The following ZDHHC17 variants were observed in gnomAD, a reference collection of about 807,000 sequenced individuals.
ZDHHC17 encodes the protein zDHHC palmitoyltransferase 17.
Under a neutral mutation model 90.3 loss-of-function variants are expected in ZDHHC17, and 40 were observed. The observed-to-expected ratio is 0.44, with a 90% CI of 0.34 to 0.58. The LOEUF is 0.58. Ranked by LOEUF, ZDHHC17 falls within the 20% of genes least tolerant of loss-of-function variation. The pLI is 0.01. For synonymous variants in ZDHHC17, 235 were observed against 252.4 expected (o/e 0.93, Z 0.65); for missense variants, 614 against 780.8 (o/e 0.79, Z 2.55).
intron 1 of ZDHHC17, among the ~76,000 whole-genome samples, chr12:76,777,964 A>G (rs1461899591): frequency 1.3e-5 from 2 of 152,080 alleles, no homozygotes; most frequent in African/African-American, 2.4e-5. Context: ...AGTGAGAGGG[A>G]AAAGGGGATA....
chr12:76,793,338 G>A (rs1236963906), intron 1 of ZDHHC17, among the ~76,000 whole-genome samples: 2 of 152,284 alleles, frequency 1.3e-5, no homozygotes, highest in Middle Eastern at 3.4e-3. Context: ...TGGCCAACAT[G>A]GTGAAACCCT....
At chr12:76,810,450 GTTATAT>G (rs1461956773) in intron 5 of ZDHHC17, among the ~76,000 whole-genome samples, 1 of 151,936 alleles carries the variant, frequency 6.6e-6, no homozygotes, top group Admixed American at 6.6e-5. Flanking sequence ...GTTTTTTCTG[GTTATAT>G]TTGAACATTA....
intron 1 of ZDHHC17, among the ~76,000 whole-genome samples, chr12:76,783,759 T>C (rs1158611355): frequency 2.6e-5 from 4 of 152,256 alleles, no homozygotes; most frequent in Non-Finnish European, 5.9e-5. Flanking sequence ...TAATTAAGTA[T>C]CTTGAGATGG....
At position 76,815,139 on chromosome 12, in the gene ZDHHC17, T is replaced by TTA; in HGVS notation, c.544-5_544-4dup. On this transcript the variant is annotated splice_polypyrimidine_tract_variant and splice_region_variant and intron_variant, in intron 5 of 16. Coordinates refer to ENST00000426126, the MANE Select transcript of ZDHHC17 (RefSeq NM_015336.4). Reference sequence around the variant, plus strand: ...CTGTCTGACTTTTTTTCTTTTTACTTTATCAGGATGTAGATATGATGGATC... The same window carrying TTA: ...CTGTCTGACTTTTTTTCTTTTTACTTTATATCAGGATGTAGATATGATGGATC... 2 of 1,541,102 alleles carry TTA rather than the reference T, an allele frequency of 1.3e-6. No homozygotes were observed. Among genetic ancestry groups the TTA allele is most frequent in the Non-Finnish European group, 1.8e-6 (2 of 1,141,098 alleles).
chr12:76,807,457 A>T (rs1193541051), intron 3 of ZDHHC17, among the ~76,000 whole-genome samples: 2 of 152,184 alleles, frequency 1.3e-5, no homozygotes, highest in African/African-American at 2.4e-5. Context: ...ACATTGTTTG[A>T]TAAAACCTTC....
Position 76,828,336 on chromosome 12 carries a change from T to G in ZDHHC17, c.1041-54T>G, listed in dbSNP as rs1953255112. On this transcript the variant is annotated intron_variant, in intron 9 of 16. Coordinates refer to ENST00000426126, the MANE Select transcript of ZDHHC17 (RefSeq NM_015336.4). ...GTGTCATTTTCATTTAAATAAATAC[T>G]CATTTTTACAATGAAATATAGAGCT... 2.2e-6 allele frequency: 3 copies of G among 1,389,974 alleles called. No homozygotes were observed. In the Admixed American group the frequency reaches 6.8e-5, roughly 32 times the overall value. The allele number at this position is 1,389,974 out of a possible 1,614,324, so 86.1% of individuals were successfully genotyped here. A position where few individuals can be genotyped will look rare whatever the true frequency, so the allele number is the denominator to read the frequency against.
chr12:76,764,272 G>A lies in ZDHHC17; in HGVS notation c.36G>A (p.Ala12=). The A allele has an allele frequency of 1.9e-6, 3 of 1,606,870 alleles. No individual in the cohort carries two copies. Among genetic ancestry groups the A allele is most frequent in the Non-Finnish European group, 1.7e-6 (2 of 1,176,820 alleles). The change falls in exon 1 of 17, where the codon GCG becomes GCA. Residue 12 remains alanine, a synonymous_variant. Coordinates refer to ENST00000426126, the MANE Select transcript of ZDHHC17 (RefSeq NM_015336.4). ...AGGAGGGATTTAACACCAAGATGGC[G>A]GACGGCCCGGATGAGTACGATACCG... ...QREEGFNTKM[A]DGPDEYDTEA...
At chr12:76,809,574 T>C in intron 4 of ZDHHC17, 139 bp from the exon 5 acceptor site, 1 of 630,136 alleles carries the variant, frequency 1.6e-6, no homozygotes, top group East Asian at 3.4e-5. Flanking sequence ...AAATGTATTT[T>C]GACATGTATC....
In ZDHHC17 at chr12:76,825,380, G is replaced by C. The variant is rs530047966; in HGVS notation, c.898-1528G>C. ...ATTCTTTCACATTTACTATATAGTT[G>C]AAAATTTTCCTAATATAAGAGAAAA... On this transcript the variant is annotated intron_variant, in intron 8 of 16. Transcript: ENST00000426126. Among the ~76,000 whole-genome samples, 6 of 152,168 alleles carry C rather than the reference G, an allele frequency of 3.9e-5. No homozygotes were observed. The East Asian group carries it at 1.2e-3, about 29-fold the overall frequency.
chr12:76,772,173 G>A (rs1288591458), intron 1 of ZDHHC17, among the ~76,000 whole-genome samples: 1 of 152,196 alleles, frequency 6.6e-6, no homozygotes, highest in African/African-American at 2.4e-5. Flanking sequence ...TAGTAATCCA[G>A]GTTGCCTGTT....
intron 14 of ZDHHC17, 53 bp from the exon 15 acceptor site, chr12:76,848,180 G>A: frequency 6.3e-7 from 1 of 1,593,052 alleles, no homozygotes; most frequent in Non-Finnish European, 8.6e-7. Context: ...ATGCCTATAT[G>A]AGGTGCTTGG....
Position 76,812,179 on chromosome 12 carries a change from C to T in ZDHHC17, c.543+2322C>T, listed in dbSNP as rs148183703. 9.8e-3 allele frequency among the ~76,000 whole-genome samples: 1,495 copies of T among 152,264 alleles called. 16 individuals carry two copies. Among genetic ancestry groups the T allele is most frequent in the African/African-American group, 0.033 (1,391 of 41,550 alleles). ...ACACTAATATATTGTAAAAGACACT[C>T]TTCCAATGTGCATTGCATCATACTG... On this transcript the variant is annotated intron_variant, in intron 5 of 16. Transcript: ENST00000426126.
At position 76,851,396 on chromosome 12, in the gene ZDHHC17, T is replaced by C. The variant is rs1953566074; in HGVS notation, c.*411T>C. 5.5e-6 allele frequency: 1 copy of C among 180,482 alleles called. No individual in the cohort carries two copies. Among genetic ancestry groups the C allele is most frequent in the Non-Finnish European group, 1.1e-5 (1 of 87,166 alleles). The allele number at this position is 180,482 out of a possible 1,614,324, so 11.2% of individuals were successfully genotyped here. ...ATGTTATGATGCAGTCTAGTACGAG[T>C]ATTGCATCTAATTCCAGGAGCATTG... On this transcript the variant is annotated 3_prime_UTR_variant, in exon 17 of 17. Coordinates refer to ENST00000426126, the MANE Select transcript of ZDHHC17 (RefSeq NM_015336.4).
At chr12:76,800,941 G>A (rs1003807497) in intron 2 of ZDHHC17, among the ~76,000 whole-genome samples, 1 of 142,648 alleles carries the variant, frequency 7.0e-6, no homozygotes, top group Non-Finnish European at 1.5e-5. Context: ...AGGCTGGAGT[G>A]CCATGGCGCA....
intron 5 of ZDHHC17, among the ~76,000 whole-genome samples, chr12:76,811,764 T>A (rs553485664): frequency 2.0e-5 from 3 of 152,098 alleles, no homozygotes; most frequent in Non-Finnish European, 4.4e-5. Context: ...CCTTTAATAA[T>A]GTAGTATGTA....
At chr12:76,835,109 G>T (rs1953348362) in intron 10 of ZDHHC17, among the ~76,000 whole-genome samples, 1 of 147,872 alleles carries the variant, frequency 6.8e-6, no homozygotes, top group African/African-American at 2.5e-5. Context: ...GGAGTGCATT[G>T]GCGCAATCTC....
chr12:76,834,918 T>C (rs1210703128), intron 10 of ZDHHC17, among the ~76,000 whole-genome samples: 2 of 152,198 alleles, frequency 1.3e-5, no homozygotes, highest in African/African-American at 4.8e-5. Context: ...GTAGTTTTGT[T>C]CTTAAATTAT....
intron 5 of ZDHHC17, 97 bp from the exon 6 acceptor site, chr12:76,815,049 C>T (rs562772066): frequency 2.0e-5 from 14 of 712,156 alleles, no homozygotes; most frequent in South Asian, 1.5e-4. Context: ...GTATTATATT[C>T]GCTTCTCCTT....
intron 7 of ZDHHC17, among the ~76,000 whole-genome samples, chr12:76,822,066 C>T (rs1953169727): frequency 6.6e-6 from 1 of 152,060 alleles, no homozygotes; most frequent in Non-Finnish European, 1.5e-5. Flanking sequence ...ATAACTATTA[C>T]TAATGAAATT....
Sources: allele counts gnomAD v4.1 joint callset (sites outside exome capture counted in the v4.1 genomes callset), GRCh38; gene constraint gnomAD v4.1.1; transcripts MANE v1.5; gene names NCBI Gene and HGNC (gene_info 2026-07-23, HGNC 2026-07-21).